PCDH9: variants seen among roughly 807,000 people sequenced by gnomAD.
The protein encoded by PCDH9 is protocadherin 9, also known as protocadherin-9.
In PCDH9, 24 loss-of-function variants were observed where a neutral mutation model predicts 70.6. The observed-to-expected ratio is 0.34, with a 90% confidence interval of 0.25 to 0.48. The LOEUF (loss-of-function observed/expected upper bound fraction) is 0.48. Ranked by LOEUF, PCDH9 falls within the 20% of genes least tolerant of loss-of-function variation. The pLI is 0.99. For synonymous variants in PCDH9, 562 were observed against 558.5 expected (o/e 1.01, Z -0.09); for missense variants, 1,281 against 1,503.6 (o/e 0.85, Z 2.45).
At chr13:67,064,000 C>T (rs2085591484) in intron 2 of PCDH9, among the ~76,000 whole-genome samples, 1 of 152,132 alleles carries the variant, frequency 6.6e-6, no homozygotes, top group Admixed American at 6.6e-5. Context: ...ATACTCCACT[C>T]TATGAATCCC....
rs200023141 is a variant in PCDH9 at position 66,453,993 on chromosome 13, C to CT, written c.3341-148966dup. ...TATTTTAAATACATAATCAGTAACTCTTTTACTTTTGAATATATACCTTGG... is the reference window on the plus strand; with the variant it reads ...TATTTTAAATACATAATCAGTAACTCTTTTTACTTTTGAATATATACCTTGG... On this transcript the variant is annotated intron_variant, in intron 4 of 4. Transcript: ENST00000377865. Among the ~76,000 whole-genome samples the CT allele has an allele frequency of 9.2e-3, 1,396 of 152,036 alleles. 5 individuals carry two copies. The highest frequency in any genetic ancestry group is 0.016 in the Non-Finnish European group (1,109 of 67,982).
rs139684204 is a variant in PCDH9 at position 66,896,553 on chromosome 13, A to G, written c.3138+6951T>C. Among the ~76,000 whole-genome samples, 1,216 of 151,588 alleles carry G rather than the reference A, an allele frequency of 8.0e-3. 16 individuals are homozygous for G. Among genetic ancestry groups the G allele is most frequent in the African/African-American group, 0.028 (1,135 of 40,896 alleles). The stretch of plus-strand genomic sequence containing the variant: ...CATAATTATAAAATTGTTATGTATA[A>G]TAATTTCTATAAAAATCAAAATCTA... On this transcript the variant is annotated intron_variant, in intron 3 of 4. Coordinates refer to ENST00000377865, the MANE Select transcript of PCDH9 (RefSeq NM_203487.3).
At chr13:66,537,090 T>C (rs979124895) in intron 4 of PCDH9, among the ~76,000 whole-genome samples, 5 of 152,132 alleles carry the variant, frequency 3.3e-5, no homozygotes, top group African/African-American at 1.2e-4. Flanking sequence ...AGGATGAGGA[T>C]AACTGAATGC....
chr13:66,409,864 C>A (rs1014505097), intron 4 of PCDH9, among the ~76,000 whole-genome samples: 1 of 152,080 alleles, frequency 6.6e-6, no homozygotes, highest in Admixed American at 6.5e-5. Context: ...ACCTTCCCTG[C>A]CCCAAATCCC....
At chr13:66,572,660 C>T (rs2138748244) in intron 4 of PCDH9, among the ~76,000 whole-genome samples, 1 of 152,268 alleles carries the variant, frequency 6.6e-6, no homozygotes. Flanking sequence ...GTGAATGGTG[C>T]TGCAATAAAC....
At chr13:66,960,815 A>G (rs766544154) in intron 2 of PCDH9, among the ~76,000 whole-genome samples, 1 of 152,186 alleles carries the variant, frequency 6.6e-6, no homozygotes, top group Non-Finnish European at 1.5e-5. Flanking sequence ...TCAGCTTACT[A>G]AAGTGTAAAA....
At chr13:66,756,041 G>C (rs901009925) in intron 3 of PCDH9, among the ~76,000 whole-genome samples, 1 of 152,142 alleles carries the variant, frequency 6.6e-6, no homozygotes, top group Admixed American at 6.5e-5. Flanking sequence ...AGGACCCACT[G>C]AAGGCCCCAA....
At chr13:66,769,196 A>C in intron 3 of PCDH9, among the ~76,000 whole-genome samples, 1 of 152,064 alleles carries the variant, frequency 6.6e-6, no homozygotes, top group East Asian at 1.9e-4. Flanking sequence ...GTTCCAGTAA[A>C]GGAAATAATA....
chr13:66,331,263 C>A (rs17081140), intron 4 of PCDH9, among the ~76,000 whole-genome samples: 3,508 of 152,152 alleles, frequency 0.023, 71 homozygotes, highest in South Asian at 0.073. Flanking sequence ...ACTGGGGAGA[C>A]TTTTCAAATT....
At chr13:66,597,568 C>T (rs942777511) in intron 4 of PCDH9, among the ~76,000 whole-genome samples, 2 of 151,870 alleles carry the variant, frequency 1.3e-5, no homozygotes, top group Middle Eastern at 3.4e-3. Context: ...ACATCATACA[C>T]AAACATCAAC....
intron 4 of PCDH9, among the ~76,000 whole-genome samples, chr13:66,571,869 T>C (rs7984994): frequency 0.35 from 52,511 of 151,890 alleles, 9,566 homozygotes; most frequent in African/African-American, 0.46. Context: ...ATAAATGTTT[T>C]ATCGTGTATG....
intron 2 of PCDH9, among the ~76,000 whole-genome samples, chr13:67,024,088 T>C (rs2084731882): frequency 6.6e-6 from 1 of 152,144 alleles, no homozygotes; most frequent in Non-Finnish European, 1.5e-5. Context: ...TGCAGGCAAC[T>C]ATTAGCTCAT....
intron 2 of PCDH9, among the ~76,000 whole-genome samples, chr13:66,941,953 C>A (rs2083013155): frequency 6.6e-6 from 1 of 151,812 alleles, no homozygotes; most frequent in Non-Finnish European, 1.5e-5. Flanking sequence ...AAAAAAGTAA[C>A]TCACACAAAG....
chr13:67,136,872 G>A (rs566983428), intron 2 of PCDH9, among the ~76,000 whole-genome samples: 1 of 152,010 alleles, frequency 6.6e-6, no homozygotes. Context: ...AATAGTAATA[G>A]TAATAGACAT....
At chr13:67,098,312 T>G (rs2086363464) in intron 2 of PCDH9, among the ~76,000 whole-genome samples, 1 of 152,164 alleles carries the variant, frequency 6.6e-6, no homozygotes, top group South Asian at 2.1e-4. Flanking sequence ...AACTAAGAGA[T>G]CTTGGAAGGA....
intron 4 of PCDH9, among the ~76,000 whole-genome samples, chr13:66,451,537 T>C (rs1348734479): frequency 2.0e-5 from 3 of 152,170 alleles, no homozygotes; most frequent in African/African-American, 4.8e-5. Context: ...AGTTTAACAA[T>C]AAAATAAGTC....
intron 4 of PCDH9, among the ~76,000 whole-genome samples, chr13:66,468,754 T>C (rs1259225585): frequency 2.0e-5 from 3 of 152,136 alleles, no homozygotes; most frequent in Admixed American, 6.6e-5. Context: ...ATGATGTCCA[T>C]ATCTACAAGT....
At chr13:66,569,530 G>A (rs925532918) in intron 4 of PCDH9, among the ~76,000 whole-genome samples, 41 of 151,788 alleles carry the variant, frequency 2.7e-4, no homozygotes, top group African/African-American at 2.2e-4. Context: ...GTACTGTAAC[G>A]TCATTACAAA....
At chr13:66,683,389 A>T (rs182319090) in intron 3 of PCDH9, among the ~76,000 whole-genome samples, 26 of 152,166 alleles carry the variant, frequency 1.7e-4, no homozygotes, top group African/African-American at 6.3e-4. Context: ...AGTTACAGCA[A>T]CATTGAGAGA....
Sources: gnomAD v4.1 joint callset for allele counts (sites outside exome capture counted in the v4.1 genomes callset) on GRCh38, gnomAD v4.1.1 for gene constraint, MANE v1.5 for transcripts, NCBI Gene and HGNC (gene_info 2026-07-23, HGNC 2026-07-21) for gene names.